Variants in ANTXRL observed in about 807,000 individuals in gnomAD.
The protein encoded by ANTXRL is anthrax toxin receptor-like.
ANTXRL carries 63 observed loss-of-function variants against 75.4 expected under a neutral mutation model. The ratio of observed to expected loss-of-function variants is 0.84; its 90% CI spans 0.68 to 1.03. The LOEUF is 1.03. Ranked by LOEUF, ANTXRL falls within the 50% of genes least tolerant of loss-of-function variation. ANTXRL has a pLI of 0.00. For missense variants in ANTXRL, 797 were observed against 789.4 expected, an observed-to-expected ratio of 1.01 and a Z score of -0.12; for synonymous variants, 335 against 291.3, an observed-to-expected ratio of 1.15 and a Z score of -1.53.
chr10:46,293,787 C>T, intron 2 of ANTXRL, 42 bp from the exon 3 acceptor site: 1 of 1,513,304 alleles, frequency 6.6e-7, no homozygotes, highest in Non-Finnish European at 8.9e-7. Context: ...GGCTTCTGAG[C>T]CTGTGCCACT....
At chr10:46,307,379 C>T in intron 11 of ANTXRL, 23 bp from the exon 12 acceptor site, 1 of 1,512,670 alleles carries the variant, frequency 6.6e-7, no homozygotes, top group South Asian at 1.2e-5. Context: ...TGGCTCTCAC[C>T]ATCTGCATTT....
intron 16 of ANTXRL, among the ~76,000 whole-genome samples, chr10:46,326,469 C>G (rs1195594449): frequency 1.3e-5 from 2 of 152,188 alleles, no homozygotes; most frequent in African/African-American, 2.4e-5. Context: ...CTGGTTCCCG[C>G]CATGCCTTCT....
chr10:46,322,895 C>A (rs965757381), intron 16 of ANTXRL, among the ~76,000 whole-genome samples: 3 of 152,108 alleles, frequency 2.0e-5, no homozygotes, highest in Non-Finnish European at 4.4e-5. Flanking sequence ...GCATAAATAC[C>A]TTCTAGAGCA....
At chr10:46,295,760 A>G (rs561475806) in intron 3 of ANTXRL, among the ~76,000 whole-genome samples, 1 of 152,216 alleles carries the variant, frequency 6.6e-6, no homozygotes, top group East Asian at 1.9e-4. Context: ...GGAAACTCCT[A>G]CTGTCACCAG....
At chr10:46,308,429 T>TCTCTA (rs1838228212) in intron 12 of ANTXRL, 1 of 89,936 alleles carries the variant, frequency 1.1e-5, no homozygotes, top group African/African-American at 1.5e-4. Flanking sequence ...CCTCCCCTCC[T>TCTCTA]CTCCACTCCC....
chr10:46,295,928 C>T (rs4076960), intron 3 of ANTXRL, 91 bp from the exon 4 acceptor site: 459,993 of 1,039,136 alleles, frequency 0.44, 96,065 homozygotes, highest in Non-Finnish European at 0.48. Flanking sequence ...GGAGGACTGG[C>T]GCAAAGAACA....
intron 15 of ANTXRL, among the ~76,000 whole-genome samples, chr10:46,312,466 G>T (rs2132828707): frequency 6.8e-6 from 1 of 147,368 alleles, no homozygotes; most frequent in South Asian, 2.2e-4. Flanking sequence ...GGACCCCAGA[G>T]TTCCTACCTG....
intron 7 of ANTXRL, 112 bp downstream of exon 7, chr10:46,297,586 G>C: frequency 2.8e-6 from 3 of 1,090,296 alleles, no homozygotes; most frequent in Non-Finnish European, 4.0e-6. Context: ...AGTGAGTTGG[G>C]CCAACTCATG....
intron 9 of ANTXRL, among the ~76,000 whole-genome samples, chr10:46,299,364 G>A (rs1415917340): frequency 6.6e-6 from 1 of 152,150 alleles, no homozygotes; most frequent in Non-Finnish European, 1.5e-5. Flanking sequence ...CTGAGACGTA[G>A]CGAGGATGCC....
chr10:46,324,646 G>T (rs1839128371), intron 16 of ANTXRL, among the ~76,000 whole-genome samples: 1 of 152,128 alleles, frequency 6.6e-6, no homozygotes, highest in South Asian at 2.1e-4. Flanking sequence ...TAACCAGTTT[G>T]GACCTTTATA....
intron 16 of ANTXRL, among the ~76,000 whole-genome samples, chr10:46,313,750 G>C (rs1307419533): frequency 3.9e-5 from 6 of 152,174 alleles, no homozygotes; most frequent in Admixed American, 3.9e-4. Context: ...GTTAGGCTAA[G>C]CCATGCTTTC....
rs782209566 is a variant in ANTXRL at position 46,329,762 on chromosome 10, A to C, written c.1574A>C (p.Gln525Pro). 140 of 1,533,878 alleles carry C rather than the reference A, an allele frequency of 9.1e-5. No individual in the cohort carries two copies. Among genetic ancestry groups the C allele is most frequent in the Non-Finnish European group, 1.2e-4 (132 of 1,146,422 alleles). The change falls in exon 17 of 17, where the codon CAG becomes CCG. Residue 525 changes from glutamine to proline, a missense_variant. Gln to Pro is a moderately conservative substitution (Grantham distance 76). Around this residue, in one of 3 missense-constraint regions of ANTXRL, gnomAD observed 479 missense variants for 422.0 expected, o/e 1.14. Coordinates refer to ENST00000620264, the MANE Select transcript of ANTXRL (RefSeq NM_001278688.3). ...RHSRECLALKQARCSPNICLR... is the reference protein window; with the variant it reads ...RHSRECLALKPARCSPNICLR... The stretch of plus-strand genomic sequence containing the variant: ...AGCCGGGAGTGCCTCGCCCTCAAAC[A>C]GGCTCGCTGCAGCCCAAACATCTGC...
intron 2 of ANTXRL, among the ~76,000 whole-genome samples, chr10:46,293,555 G>GTGTGCC (rs374100434): frequency 1.5e-4 from 8 of 54,848 alleles, no homozygotes; most frequent in South Asian, 1.1e-3. Flanking sequence ...ATATGTGTGT[G>GTGTGCC]AGTGTGTGCC....
chr10:46,294,117 G>C, intron 3 of ANTXRL: 1 of 562,646 alleles, frequency 1.8e-6, no homozygotes, highest in Non-Finnish European at 3.2e-6. Context: ...CTGTGCTCCA[G>C]AAGTTCTCAG....
chr10:46,329,517 C>T, intron 16 of ANTXRL, 82 bp from the exon 17 acceptor site: 3 of 1,482,934 alleles, frequency 2.0e-6, no homozygotes, highest in Non-Finnish European at 2.7e-6. Context: ...TGGCCCCATC[C>T]CTTTGAGCCA....
rs1554967124 is a variant in ANTXRL, at chr10:46,329,666, GCTTT to G, written c.1480_1483del (p.Phe494HisfsTer20). ...CAGGCTCCCTGCTGCCCAAGGATCT[GCTTT>G]CCACACAGCCAGGAGTGCCTTTCCC... On this transcript the variant is annotated frameshift_variant, in exon 17 of 17. Coordinates refer to ENST00000620264, the MANE Select transcript of ANTXRL (RefSeq NM_001278688.3). LOFTEE classifies it high-confidence loss of function. 6.5e-7 allele frequency: 1 copy of G among 1,536,210 alleles called. No individual in the cohort carries two copies. Among genetic ancestry groups the G allele is most frequent in the Admixed American group, 2.0e-5 (1 of 50,950 alleles).
At position 46,305,843 on chromosome 10, in the gene ANTXRL, T is replaced by C. The variant is rs551633008; in HGVS notation, c.896-960T>C. 2.6e-5 allele frequency among the ~76,000 whole-genome samples: 4 copies of C among 152,036 alleles called. 1 individual carries two copies. In the East Asian group the frequency reaches 7.7e-4, roughly 29 times the overall value. ...GTCCCCTCCTCAGGCTTCCTCATCT[T>C]GGTAAATGGTGTCGCTGTCCACCCA... On this transcript the variant is annotated intron_variant, in intron 10 of 16. Transcript: ENST00000620264.
At position 46,293,813 on chromosome 10, in the gene ANTXRL, CAT is replaced by C. The variant is rs1837203784; in HGVS notation, c.321-15_321-14del. 3.3e-6 allele frequency: 5 copies of C among 1,534,886 alleles called. No individual in the cohort carries two copies. The highest frequency in any genetic ancestry group is 1.2e-5 in the South Asian group (1 of 84,020). On this transcript the variant is annotated splice_polypyrimidine_tract_variant and intron_variant, in intron 2 of 16. Transcript: ENST00000620264. ...CTGTGCCACTGGCTTCTCACCAGCACATGATTCCTTCACAGCCCAAATATTCG... is the reference window on the plus strand; with the variant it reads ...CTGTGCCACTGGCTTCTCACCAGCACGATTCCTTCACAGCCCAAATATTCG...
At chr10:46,311,442 A>C (rs1554963449) in intron 14 of ANTXRL, 68 bp from the exon 15 acceptor site, 1 of 1,426,736 alleles carries the variant, frequency 7.0e-7, no homozygotes, top group Non-Finnish European at 9.2e-7. Context: ...CCCCAGACAC[A>C]CATCTGGGAG....
Sources: gnomAD v4.1 joint callset for allele counts (sites outside exome capture counted in the v4.1 genomes callset) on GRCh38, gnomAD v4.1.1 for gene constraint, gnomAD v4.1.1 regional missense constraint, MANE v1.5 for transcripts, NCBI Gene and HGNC (gene_info 2026-07-23, HGNC 2026-07-21) for gene names.